Variants in RIPOR2 observed in about 807,000 individuals in gnomAD.
The protein encoded by RIPOR2 is rho family-interacting cell polarization regulator 2.
RIPOR2 carries 39 observed loss-of-function variants against 114.5 expected under a neutral mutation model. The observed-to-expected ratio is 0.34, with a 90% CI of 0.26 to 0.44. The LOEUF is 0.44. RIPOR2 is among the 20% of genes least tolerant of loss of function. The pLI is 1.00. For synonymous variants in RIPOR2, 445 were observed against 484.4 expected, an observed-to-expected ratio of 0.92 and a Z score of 1.07; for missense variants, 1,007 against 1,255.1, an observed-to-expected ratio of 0.80 and a Z score of 2.99.
At chr6:24,862,846 C>T (rs921651404) in intron 7 of RIPOR2, among the ~76,000 whole-genome samples, 3 of 150,276 alleles carry the variant, frequency 2.0e-5, no homozygotes, top group African/African-American at 7.3e-5. Context: ...TTGCTGCACA[C>T]GAAAAAGCAC....
intron 14 of RIPOR2, among the ~76,000 whole-genome samples, chr6:24,838,504 T>A (rs146639967): frequency 7.6e-4 from 116 of 152,124 alleles, no homozygotes; most frequent in South Asian, 3.1e-3. Context: ...ATAAGACACA[T>A]GTGAGGGCTG....
chr6:24,991,210 GGCTGATGCA>G (rs1477641051), intron 1 of RIPOR2, among the ~76,000 whole-genome samples: 1 of 152,158 alleles, frequency 6.6e-6, no homozygotes, highest in African/African-American at 2.4e-5. Context: ...CAGTGTTGAA[GGCTGATGCA>G]GCTGAGAGAG....
At chr6:24,853,205 TCAATC>T (rs1763132494) in intron 8 of RIPOR2, among the ~76,000 whole-genome samples, 1 of 140,872 alleles carries the variant, frequency 7.1e-6, no homozygotes, top group Non-Finnish European at 1.6e-5. Flanking sequence ...GAAAACAAAA[TCAATC>T]CAACCAACCA....
At position 24,952,628 on chromosome 6, in the gene RIPOR2, T is replaced by C. The variant is rs534694802; in HGVS notation, c.77-76811A>G. On this transcript the variant is annotated intron_variant, in intron 1 of 13. Coordinates refer to the RIPOR2 transcript ENST00000510784. ...GTAGTAATGAGGAGCTGATGAGTAT[T>C]GAGTATTTATTAGCATTGTTTTAAA... Among the ~76,000 whole-genome samples the C allele has an allele frequency of 2.0e-4, 30 of 152,302 alleles. No individual in the cohort carries two copies. In the East Asian group the frequency reaches 5.8e-3, roughly 29 times the overall value.
At chr6:24,856,600 C>A (rs1003411795) in intron 8 of RIPOR2, among the ~76,000 whole-genome samples, 1 of 152,078 alleles carries the variant, frequency 6.6e-6, no homozygotes, top group South Asian at 2.1e-4. Context: ...ACTAAAAATA[C>A]AAAAATTAGC....
chr6:24,825,310 T>G lies in RIPOR2; in HGVS notation c.2784A>C (p.Leu928=), dbSNP rs759192246. Residue 928 remains leucine (L), a synonymous_variant, in exon 19 of 22, where the codon CTA becomes CTC. Coordinates refer to ENST00000643898, the MANE Select transcript of RIPOR2 (RefSeq NM_001286445.3). Reference sequence around the variant, plus strand: ...TAACTTCGTTGTCCTCTCTGGTTAATAGCAGAGCCAGAGTCCTGAGTACTT... The same window carrying G: ...TAACTTCGTTGTCCTCTCTGGTTAAGAGCAGAGCCAGAGTCCTGAGTACTT... ...QQEVLRTLAL[L]LTREDNEVSE... is the part of the protein sequence containing the mutation. 3.9e-6 allele frequency: 6 copies of G among 1,551,540 alleles called. No individual in the cohort carries two copies. In the Admixed American group the frequency reaches 1.2e-4, roughly 30 times the overall value.
rs2817744 is a variant in RIPOR2 at position 24,933,883 on chromosome 6, C to T, written c.61+1955G>A. On this transcript the variant is annotated intron_variant, in intron 1 of 21. Coordinates refer to ENST00000643898, the MANE Select transcript of RIPOR2 (RefSeq NM_001286445.3). ...GAACCTGGGGACCTCAGCCATTCCA[C>T]TACAACATGGTTAGTGAGGTTACAA... Among the ~76,000 whole-genome samples, 1,233 of 152,214 alleles carry T rather than the reference C, an allele frequency of 8.1e-3. 18 individuals carry two copies. Among genetic ancestry groups the T allele is most frequent in the African/African-American group, 0.028 (1,169 of 41,538 alleles).
intron 1 of RIPOR2, among the ~76,000 whole-genome samples, chr6:24,891,390 G>C (rs148544382): frequency 6.6e-6 from 1 of 152,038 alleles, no homozygotes; most frequent in African/African-American, 2.4e-5. Context: ...GTATAGCTAC[G>C]TGCAAATATC....
At chr6:24,892,728 T>C (rs1767484330) in intron 1 of RIPOR2, among the ~76,000 whole-genome samples, 1 of 152,108 alleles carries the variant, frequency 6.6e-6, no homozygotes, top group Non-Finnish European at 1.5e-5. Context: ...TTCTTACTGA[T>C]TAATGAATTT....
chr6:24,975,399 A>G (rs1375833675), intron 1 of RIPOR2, among the ~76,000 whole-genome samples: 2 of 152,240 alleles, frequency 1.3e-5, no homozygotes, highest in African/African-American at 4.8e-5. Context: ...ACAATATGCA[A>G]GAGAAGTACA....
At chr6:24,975,402 G>C (rs771238488) in intron 1 of RIPOR2, among the ~76,000 whole-genome samples, 3 of 152,208 alleles carry the variant, frequency 2.0e-5, no homozygotes, top group Non-Finnish European at 4.4e-5. Context: ...ATATGCAAGA[G>C]AAGTACAGAT....
At chr6:24,959,423 G>A (rs1489981780) in intron 1 of RIPOR2, among the ~76,000 whole-genome samples, 2 of 152,186 alleles carry the variant, frequency 1.3e-5, no homozygotes. Flanking sequence ...GAAAAGGGCT[G>A]GTAATGGAGG....
intron 6 of RIPOR2, among the ~76,000 whole-genome samples, chr6:24,868,791 G>A (rs529655588): frequency 2.0e-5 from 3 of 152,340 alleles, no homozygotes; most frequent in South Asian, 4.1e-4. Flanking sequence ...TGTAGGGCTA[G>A]TTTGATTGAT....
rs116400931 is a variant in RIPOR2 at position 24,843,615 on chromosome 6, G to A, written c.1165-61C>T. On this transcript the variant is annotated intron_variant, in intron 12 of 21. Transcript: ENST00000643898. ...ACAAATGATGCATTTGGCTTGGCAT[G>A]GTTTATTTCCAGACAGAATATAAGG... is the stretch of plus-strand genomic sequence containing the variant. 1.0e-3 allele frequency: 1,276 copies of A among 1,236,572 alleles called. 3 individuals are homozygous for A. The African/African-American group carries it at 0.012, about 12-fold the overall frequency. The allele number at this position is 1,236,572 out of a possible 1,614,324, so 76.6% of individuals were successfully genotyped here. A position where few individuals can be genotyped will look rare whatever the true frequency, so the allele number is the denominator to read the frequency against.
chr6:24,969,360 A>T (rs1178606102), intron 1 of RIPOR2, among the ~76,000 whole-genome samples: 2 of 152,196 alleles, frequency 1.3e-5, no homozygotes, highest in Non-Finnish European at 2.9e-5. Context: ...GAGAATCAGA[A>T]TTTGCCATTT....
At chr6:25,033,118 G>A (rs1055945460) in intron 1 of RIPOR2, among the ~76,000 whole-genome samples, 5 of 152,058 alleles carry the variant, frequency 3.3e-5, no homozygotes, top group African/African-American at 1.2e-4. Context: ...GTAGGAAGAC[G>A]GCTTGATCCC....
At chr6:24,936,008 G>A (rs1771783729), upstream of RIPOR2, 1 of 750,702 alleles carries the variant, frequency 1.3e-6, no homozygotes, top group Non-Finnish European at 2.2e-6. Context: ...GCCCTCTGGA[G>A]GGCAGCTTCC....
chr6:25,015,888 GTTTTTTGGTTTTTTTTTTTTTT>G (rs1188146721), intron 1 of RIPOR2: 6 of 74,046 alleles, frequency 8.1e-5, no homozygotes, highest in Admixed American at 1.5e-4. Flanking sequence ...AAAAACGCAG[GTTTTTTGGTTTTTTTTTTTTTT>G]TTTTTTTTTT....
At chr6:25,013,808 C>T (rs185988092) in intron 1 of RIPOR2, among the ~76,000 whole-genome samples, 2 of 152,278 alleles carry the variant, frequency 1.3e-5, no homozygotes, top group East Asian at 1.9e-4. Context: ...CAGTCTCCCA[C>T]TCCATGTAAA....
Sources: allele counts gnomAD v4.1 joint callset (sites outside exome capture counted in the v4.1 genomes callset), GRCh38; gene constraint gnomAD v4.1.1; transcripts MANE v1.5; gene names NCBI Gene and HGNC (gene_info 2026-07-23, HGNC 2026-07-21).